Variants in KPRP observed in about 807,000 individuals in gnomAD.
KPRP encodes keratinocyte proline-rich protein.
For missense variants in KPRP, 820 were observed against 746.4 expected, an observed-to-expected ratio of 1.10 and a Z score of -1.15; for synonymous variants, 282 against 276.9, an observed-to-expected ratio of 1.02 and a Z score of -0.18.
At chr1:152,761,374 GTTCCTCCTA>G (rs774388589) in exon 1 of KPRP, 6 of 1,566,020 alleles carry the variant, frequency 3.8e-6, no homozygotes, top group Non-Finnish European at 4.3e-6. Context: ...TGAAAATGTT[GTTCCTCCTA>G]TTCCACAATT....
In KPRP at chr1:152,761,447, C is replaced by T. The variant is rs577398345; in HGVS notation, c.*119C>T. 1.4e-4 allele frequency: 197 copies of T among 1,456,706 alleles called. 1 individual carries two copies. In the South Asian group the frequency reaches 2.0e-3, roughly 15 times the overall value. The allele number at this position is 1,456,706 out of a possible 1,614,324, so 90.2% of individuals were successfully genotyped here. ...AAAGATATTCAGAGACTCCCTATTA[C>T]GAAGGTGATGTCCAAACTCCTTTGC... On this transcript the variant is annotated 3_prime_UTR_variant, in exon 1 of 1. Transcript: ENST00000606109.
chr1:152,759,609 C>A, exon 1 of KPRP: 1 of 1,613,940 alleles, frequency 6.2e-7, no homozygotes, highest in African/African-American at 1.3e-5. Context: ...AGCAGCAGAT[C>A]CAGTGCCGCC....
upstream of KPRP, among the ~76,000 whole-genome samples, chr1:152,758,180 A>G (rs1412548): frequency 0.3 from 45,208 of 152,168 alleles, 7,713 homozygotes; most frequent in Non-Finnish European, 0.4. Context: ...CGAGGGGTGC[A>G]TTAACCTGAG....
rs200405876 is a variant in KPRP, at chr1:152,760,093, C to G, written c.505C>G (p.Pro169Ala). 6.2e-7 allele frequency: 1 copy of G among 1,614,166 alleles called. No individual in the cohort carries two copies. The highest frequency in any genetic ancestry group is 1.7e-5 in the Admixed American group (1 of 60,020). Residue 169 changes from proline (P) to alanine (A), a missense_variant, in exon 1 of 1, where the codon CCT becomes GCT. Pro to Ala is a conservative substitution (Grantham distance 27, BLOSUM62 -1). Coordinates refer to ENST00000606109, the Ensembl canonical transcript of KPRP. ...GCCTGTCCAGATGTATAGAGGGCGT[C>G]CTGCAGTGTGCCAGCCTCAGGGAAG...
Position 152,760,881 on chromosome 1 carries a change from T to A in KPRP, c.1293T>A (p.Cys431Ter). ...TACCACGACAACTTTCAGAACCTTGTTTGTATCCAGAACCACTTCCAGCAC... is the reference window on the plus strand; with the variant it reads ...TACCACGACAACTTTCAGAACCTTGATTGTATCCAGAACCACTTCCAGCAC... Residue 431 changes from cysteine (C) to a stop codon, truncating the protein, a stop_gained, in exon 1 of 1, where the codon TGT becomes TGA. Transcript: ENST00000606109. LOFTEE classifies it low-confidence loss of function (END_TRUNC). 1 of 1,614,180 alleles carries A rather than the reference T, an allele frequency of 6.2e-7. No individual in the cohort carries two copies. Among genetic ancestry groups the A allele is most frequent in the Non-Finnish European group, 8.5e-7 (1 of 1,180,032 alleles).
At chr1:152,758,130 G>A (rs16834455), upstream of KPRP, among the ~76,000 whole-genome samples, 1,057 of 152,296 alleles carry the variant, frequency 6.9e-3, 13 homozygotes, top group African/African-American at 0.023. Flanking sequence ...GTTCACAGTC[G>A]TGAGGCACAA....
At chr1:152,760,565 G>A (rs1175728082) in exon 1 of KPRP, 1 of 1,609,574 alleles carries the variant, frequency 6.2e-7, no homozygotes, top group Non-Finnish European at 8.5e-7. Context: ...CCCAAGTGCC[G>A]AATCGAGATT....
exon 1 of KPRP, chr1:152,761,156 T>C (rs1417210707): frequency 3.1e-6 from 5 of 1,613,986 alleles, no homozygotes; most frequent in Admixed American, 1.7e-5. Context: ...CCACACCGCC[T>C]AGACACCGAA....
At chr1:152,758,315 C>A (rs571660090), upstream of KPRP, among the ~76,000 whole-genome samples, 1 of 152,278 alleles carries the variant, frequency 6.6e-6, no homozygotes, top group African/African-American at 2.4e-5. Flanking sequence ...GTACTATTTT[C>A]CCTCATGATC....
chr1:152,760,650 C>T, exon 1 of KPRP: 1 of 1,611,468 alleles, frequency 6.2e-7, no homozygotes, highest in Non-Finnish European at 8.5e-7. Context: ...GACGCCGCTC[C>T]CAGAGCTGTG....
In KPRP at chr1:152,761,203, C is replaced by T. The variant is rs780503991; in HGVS notation, c.1615C>T (p.Gln539Ter). The T allele has an allele frequency of 6.2e-6, 10 of 1,614,002 alleles. No homozygotes were observed. Among genetic ancestry groups the T allele is most frequent in the Non-Finnish European group, 5.9e-6 (7 of 1,180,040 alleles). ...TGGCCCATCCAGTTACAACCAGGGG[C>T]AAGAGAGTGGTGCTGGCTGTGGGCC... Residue 539 changes from glutamine (Q) to a stop codon, truncating the protein, a stop_gained, in exon 1 of 1, where the codon CAA becomes TAA. Coordinates refer to ENST00000606109, the Ensembl canonical transcript of KPRP. LOFTEE classifies it low-confidence loss of function (END_TRUNC).
At chr1:152,761,526 T>G in exon 1 of KPRP, 2 of 1,003,322 alleles carry the variant, frequency 2.0e-6, no homozygotes, top group Non-Finnish European at 2.8e-6. Flanking sequence ...GCCTCACGTG[T>G]CACTCCTCGC....
At chr1:152,758,443 T>A (rs1436880101), upstream of KPRP, among the ~76,000 whole-genome samples, 3 of 152,180 alleles carry the variant, frequency 2.0e-5, no homozygotes, top group African/African-American at 7.2e-5. Context: ...AATAGAAGGT[T>A]TGAACCCTCA....
exon 1 of KPRP, chr1:152,760,612 A>C: frequency 6.2e-7 from 1 of 1,609,164 alleles, no homozygotes; most frequent in Non-Finnish European, 8.5e-7. Context: ...TCCCCCACAG[A>C]GGTGTCCTGT....
exon 1 of KPRP, chr1:152,761,509 C>A: frequency 1.7e-6 from 2 of 1,186,182 alleles, no homozygotes; most frequent in South Asian, 1.6e-5. Context: ...TCTCAGATGC[C>A]TCTCCAGCCT....
chr1:152,759,640 G>T lies in KPRP; in HGVS notation c.52G>T (p.Val18Phe), dbSNP rs147807095. ...CCGCCTGCCGCTCCAACAGTGCTGC[G>T]TCAAGGGTCCCTCCTTCTGCTCCTC... The change falls in exon 1 of 1, where the codon GTC becomes TTC. Residue 18 changes from valine (V) to phenylalanine (F), a missense_variant. Transcript: ENST00000606109. 29 of 1,614,010 alleles carry T rather than the reference G, an allele frequency of 1.8e-5. 1 individual carries two copies. The highest frequency in any genetic ancestry group is 1.6e-4 in the Middle Eastern group (1 of 6,084).
chr1:152,761,296 G>A (rs1257864027), exon 1 of KPRP: 1 of 1,613,986 alleles, frequency 6.2e-7, no homozygotes, highest in African/African-American at 1.3e-5. Flanking sequence ...CTTTGCTGGA[G>A]TGAAAGGGGA....
In KPRP at chr1:152,760,471, T is replaced by C. The variant is rs576733143; in HGVS notation, c.883T>C (p.Cys295Arg). The C allele has an allele frequency of 8.1e-6, 13 of 1,613,310 alleles. No individual in the cohort carries two copies. In the Admixed American group the frequency reaches 1.3e-4, roughly 17 times the overall value. ...ACCCTCTGAAGGTTTCCCTAACTAC[T>C]GCACCCCACCCCGCCGCTCTGAACC... The change falls in exon 1 of 1, where the codon TGC becomes CGC. Residue 295 changes from cysteine (C) to arginine (R), a missense_variant. Cys to Arg is a radical substitution (Grantham distance 180). Coordinates refer to ENST00000606109, the Ensembl canonical transcript of KPRP.
chr1:152,760,360 C>T (rs1231579472), exon 1 of KPRP: 1 of 1,614,100 alleles, frequency 6.2e-7, no homozygotes, highest in African/African-American at 1.3e-5. Context: ...ATGCCTTCCT[C>T]CTCCTCGGCG....
Sources: gnomAD v4.1 joint callset for allele counts (sites outside exome capture counted in the v4.1 genomes callset) on GRCh38, gnomAD v4.1.1 for gene constraint, MANE v1.5 for transcripts, NCBI Gene and HGNC (gene_info 2026-07-23, HGNC 2026-07-21) for gene names.